Variants in SGCZ observed in about 807,000 individuals in gnomAD.
The protein encoded by SGCZ is sarcoglycan zeta, also known as zeta-sarcoglycan.
A neutral mutation model predicts 41.3 loss-of-function variants in SGCZ; 40 were observed. The ratio of observed to expected loss-of-function variants is 0.97; its 90% CI spans 0.75 to 1.26. The LOEUF (loss-of-function observed/expected upper bound fraction) is 1.26. Among genes scored for constraint, SGCZ ranks in the 50% most tolerant of loss-of-function variants. SGCZ has a pLI of 0.00. For missense variants in SGCZ, 552 were observed against 369.8 expected (o/e 1.49, Z -4.04); for synonymous variants, 206 against 137.5 (o/e 1.50, Z -3.49).
At chr8:14,817,638 A>T (rs781334846) in intron 1 of SGCZ, among the ~76,000 whole-genome samples, 9 of 152,182 alleles carry the variant, frequency 5.9e-5, no homozygotes, top group Non-Finnish European at 1.3e-4. Context: ...CCTAGGCCAG[A>T]TGGAATTACC....
chr8:14,798,776 T>A (rs1801220061), intron 1 of SGCZ, among the ~76,000 whole-genome samples: 1 of 152,100 alleles, frequency 6.6e-6, no homozygotes, highest in South Asian at 2.1e-4. Context: ...ACCTAAATAA[T>A]CTGTTTAAAA....
At chr8:14,527,729 C>T (rs1802997848) in intron 2 of SGCZ, among the ~76,000 whole-genome samples, 1 of 152,072 alleles carries the variant, frequency 6.6e-6, no homozygotes, top group African/African-American at 2.4e-5. Context: ...TCAATAAGCA[C>T]ATGTGTTAAT....
At chr8:14,174,511 A>G (rs960193630) in intron 4 of SGCZ, among the ~76,000 whole-genome samples, 9 of 152,134 alleles carry the variant, frequency 5.9e-5, no homozygotes, top group Non-Finnish European at 1.2e-4. Context: ...GAAATAATGA[A>G]AGACACAAAC....
chr8:14,392,247 T>A (rs1312532491), intron 2 of SGCZ, among the ~76,000 whole-genome samples: 2 of 152,200 alleles, frequency 1.3e-5, no homozygotes, highest in African/African-American at 4.8e-5. Flanking sequence ...TTAGAACCAA[T>A]TTTCTACTCA....
At chr8:14,132,178 C>G (rs187926050) in intron 5 of SGCZ, among the ~76,000 whole-genome samples, 24 of 152,148 alleles carry the variant, frequency 1.6e-4, no homozygotes, top group Non-Finnish European at 3.4e-4. Flanking sequence ...AGTAATTTTG[C>G]TTGGCCTGTC....
intron 1 of SGCZ, among the ~76,000 whole-genome samples, chr8:14,767,024 G>A (rs573655201): frequency 3.7e-4 from 57 of 152,154 alleles, no homozygotes; most frequent in African/African-American, 1.3e-3. Context: ...ATGCTTAACA[G>A]TTAGATGTCT....
chr8:14,658,803 A>C (rs536638914), intron 1 of SGCZ, among the ~76,000 whole-genome samples: 48 of 152,236 alleles, frequency 3.2e-4, no homozygotes, highest in African/African-American at 1.1e-3. Flanking sequence ...TTCTGTCCCC[A>C]GAATCTAGAA....
At chr8:14,128,124 T>C (rs1331844396) in intron 5 of SGCZ, among the ~76,000 whole-genome samples, 1 of 152,192 alleles carries the variant, frequency 6.6e-6, no homozygotes, top group Non-Finnish European at 1.5e-5. Context: ...AAAATGCTTA[T>C]ACACTGCTGG....
chr8:14,916,952 A>G (rs111270753), intron 1 of SGCZ, among the ~76,000 whole-genome samples: 4 of 152,282 alleles, frequency 2.6e-5, no homozygotes, highest in African/African-American at 9.6e-5. Context: ...AAAAACAGTC[A>G]TACTCAAAGT....
At chr8:15,125,728 T>G (rs1466143781) in intron 1 of SGCZ, among the ~76,000 whole-genome samples, 3 of 152,222 alleles carry the variant, frequency 2.0e-5, no homozygotes, top group Non-Finnish European at 4.4e-5. Context: ...TTCATTACCA[T>G]GAAGTACTAT....
chr8:14,288,566 T>A (rs1393295684), intron 3 of SGCZ, among the ~76,000 whole-genome samples: 1 of 152,188 alleles, frequency 6.6e-6, no homozygotes, highest in Admixed American at 6.6e-5. Context: ...TCACTTAGCA[T>A]GATGTTTTCA....
chr8:15,027,226 A>G (rs1803490232), intron 1 of SGCZ, among the ~76,000 whole-genome samples: 1 of 152,144 alleles, frequency 6.6e-6, no homozygotes, highest in African/African-American at 2.4e-5. Flanking sequence ...GACATTTTTG[A>G]AATTCCAGGA....
At chr8:14,431,447 C>T (rs376918578) in intron 2 of SGCZ, among the ~76,000 whole-genome samples, 1 of 141,476 alleles carries the variant, frequency 7.1e-6, no homozygotes, top group Non-Finnish European at 1.6e-5. Context: ...GGAGAAGACA[C>T]CCTATTCAAC....
chr8:14,855,403 A>G (rs192256971), intron 1 of SGCZ, among the ~76,000 whole-genome samples: 224 of 152,140 alleles, frequency 1.5e-3, no homozygotes, highest in African/African-American at 5.2e-3. Flanking sequence ...TGCTCACTAT[A>G]TACCTAGCCC....
intron 1 of SGCZ, among the ~76,000 whole-genome samples, chr8:14,560,039 T>C (rs1056253741): frequency 7.9e-5 from 12 of 152,060 alleles, no homozygotes; most frequent in African/African-American, 2.9e-4. Context: ...GTGGTTTTGA[T>C]AATATAGTAG....
At chr8:14,394,875 G>C (rs7006178) in intron 2 of SGCZ, among the ~76,000 whole-genome samples, 29,188 of 152,108 alleles carry the variant, frequency 0.19, 3,503 homozygotes, top group Non-Finnish European at 0.28. Context: ...CATTATGTCA[G>C]TGCATGGGTG....
At chr8:14,160,480 A>T (rs1804010222) in intron 5 of SGCZ, among the ~76,000 whole-genome samples, 1 of 152,218 alleles carries the variant, frequency 6.6e-6, no homozygotes, top group Non-Finnish European at 1.5e-5. Flanking sequence ...AATACAAAAT[A>T]AAAATATAGT....
chr8:15,081,579 G>C (rs1238471273), intron 1 of SGCZ, among the ~76,000 whole-genome samples: 1 of 151,560 alleles, frequency 6.6e-6, no homozygotes, highest in African/African-American at 2.4e-5. Context: ...GAAAAAAATA[G>C]AGGTTTGTAA....
intron 6 of SGCZ, 29 bp downstream of exon 6, chr8:14,108,134 A>C (rs2117000515): frequency 6.2e-7 from 1 of 1,604,456 alleles, no homozygotes; most frequent in South Asian, 1.1e-5. Flanking sequence ...GATGGATTTT[A>C]TGCCACAGGT....
Sources: gnomAD v4.1 joint callset for allele counts (sites outside exome capture counted in the v4.1 genomes callset) on GRCh38, gnomAD v4.1.1 for gene constraint, MANE v1.5 for transcripts, NCBI Gene and HGNC (gene_info 2026-07-23, HGNC 2026-07-21) for gene names.